The following CD99 variants were observed in gnomAD, a reference collection of about 807,000 sequenced individuals.
CD99 encodes the protein CD99 molecule (Xg blood group), also known as CD99 antigen.
A neutral mutation model predicts 28.4 loss-of-function variants in CD99; 19 were observed. The ratio of observed to expected loss-of-function variants is 0.67; its 90% CI spans 0.47 to 0.98. The LOEUF (loss-of-function observed/expected upper bound fraction) is 0.98. Among genes scored for constraint, CD99 ranks in the 50% least tolerant of loss-of-function variants. The probability of loss-of-function intolerance (pLI) is 0.00; values close to 1 mark genes in which losing one functional copy is unlikely to be tolerated. For missense variants in CD99, 283 were observed against 248.8 expected, an observed-to-expected ratio of 1.14 and a Z score of -0.92; for synonymous variants, 103 against 92.1, an observed-to-expected ratio of 1.12 and a Z score of -0.67.
chrX:2,696,788 CTCT>C (rs1013965268), intron 1 of CD99, among the ~76,000 whole-genome samples: 3 of 152,158 alleles, frequency 2.0e-5, no homozygotes, highest in African/African-American at 7.2e-5. Flanking sequence ...GAAGGACTTC[CTCT>C]TCTTGAATTT....
At chrX:2,723,639 C>T (rs1211128605) in intron 7 of CD99, among the ~76,000 whole-genome samples, 11 of 152,170 alleles carry the variant, frequency 7.2e-5, no homozygotes, top group African/African-American at 1.9e-4. Context: ...CATCACGCTT[C>T]GCCTTGTCCT....
chrX:2,700,425 A>G (rs1012034768), intron 1 of CD99, among the ~76,000 whole-genome samples: 1 of 148,934 alleles, frequency 6.7e-6, no homozygotes, highest in Non-Finnish European at 1.5e-5. Flanking sequence ...TCCATCCATC[A>G]ACCCATCCTC....
At chrX:2,736,898 A>T (rs1484895348) in intron 8 of CD99, among the ~76,000 whole-genome samples, 1 of 151,416 alleles carries the variant, frequency 6.6e-6, no homozygotes, top group Non-Finnish European at 1.5e-5. Flanking sequence ...TAAATAAATA[A>T]ATTTGGGAAT....
At chrX:2,716,308 A>C (rs1481168779) in intron 2 of CD99, among the ~76,000 whole-genome samples, 3 of 151,582 alleles carry the variant, frequency 2.0e-5, no homozygotes, top group African/African-American at 7.3e-5. Context: ...TGAGCCACTG[A>C]GCCCAGCCAC....
At chrX:2,721,988 A>G (rs1197770814) in intron 5 of CD99, among the ~76,000 whole-genome samples, 3 of 152,040 alleles carry the variant, frequency 2.0e-5, no homozygotes, top group Non-Finnish European at 2.9e-5. Flanking sequence ...ATTTTTACCA[A>G]TTTATTTTGA....
chrX:2,710,585 C>T (rs1181764696), intron 1 of CD99, among the ~76,000 whole-genome samples: 1 of 149,180 alleles, frequency 6.7e-6, no homozygotes, highest in Non-Finnish European at 1.5e-5. Flanking sequence ...ATTATTAAGT[C>T]TTCCTACCTT....
At chrX:2,717,472 C>A in intron 2 of CD99, 133 bp from the exon 3 acceptor site, 1 of 718,724 alleles carries the variant, frequency 1.4e-6, no homozygotes, top group Non-Finnish European at 2.5e-6. Context: ...TCGGTGTGGG[C>A]AGGTGAGAAA....
chrX:2,723,448 G>A, intron 7 of CD99, 84 bp downstream of exon 7: 1 of 1,492,498 alleles, frequency 6.7e-7, no homozygotes, highest in Non-Finnish European at 9.4e-7. Flanking sequence ...CTGGCGGACT[G>A]CACTGGCATT....
chrX:2,715,816 G>T (rs917757859), intron 2 of CD99, among the ~76,000 whole-genome samples: 11 of 152,008 alleles, frequency 7.2e-5, no homozygotes, highest in Admixed American at 6.6e-4. Flanking sequence ...TGTGAACGCT[G>T]GTCTCTTCCC....
At chrX:2,712,560 C>T in intron 1 of CD99, among the ~76,000 whole-genome samples, 1 of 152,210 alleles carries the variant, frequency 6.6e-6, no homozygotes, top group Non-Finnish European at 1.5e-5. Flanking sequence ...TCCCTTGCTA[C>T]CGTCTAAAGA....
At chrX:2,725,710 T>A (rs755274940) in intron 7 of CD99, among the ~76,000 whole-genome samples, 3 of 152,202 alleles carry the variant, frequency 2.0e-5, no homozygotes, top group African/African-American at 7.2e-5. Context: ...GCCTCCCAGG[T>A]TCAAGCGATT....
intron 8 of CD99, among the ~76,000 whole-genome samples, chrX:2,731,884 C>T (rs2049626095): frequency 6.6e-6 from 1 of 151,700 alleles, no homozygotes; most frequent in African/African-American, 2.4e-5. Context: ...ATGGCTCTGT[C>T]TGTTATAGGT....
chrX:2,714,849 CCTGT>C, intron 2 of CD99: 4 of 172,780 alleles, frequency 2.3e-5, no homozygotes. Context: ...AGGAGGTCCG[CCTGT>C]ATGTGTCCAC....
intron 1 of CD99, among the ~76,000 whole-genome samples, chrX:2,713,229 C>T (rs1224854696): frequency 6.6e-6 from 1 of 151,610 alleles, no homozygotes; most frequent in Admixed American, 6.6e-5. Context: ...TCCATAGGCA[C>T]ACAGAAACAC....
intron 3 of CD99, chrX:2,718,100 C>T (rs1419342952): frequency 6.0e-6 from 1 of 167,690 alleles, no homozygotes; most frequent in Non-Finnish European, 1.3e-5. Flanking sequence ...GCCACCACAC[C>T]TGGTTAATTG....
chrX:2,725,440 T>G (rs2049224719), intron 7 of CD99, among the ~76,000 whole-genome samples: 1 of 152,140 alleles, frequency 6.6e-6, no homozygotes, highest in Admixed American at 6.6e-5. Flanking sequence ...TAGAGATAGA[T>G]TTAAAATGTC....
intron 1 of CD99, chrX:2,691,745 C>A: frequency 1.4e-6 from 1 of 736,686 alleles, no homozygotes; most frequent in Admixed American, 1.9e-5. Flanking sequence ...GATCTCTCTC[C>A]CTTTGCATGA....
rs11431518 is a variant in CD99 at position 2,741,125 on chromosome X, C to CT, written c.*321_*322insT. 7.0e-5 allele frequency: 27 copies of CT among 384,282 alleles called. 1 individual carries two copies. The East Asian group carries it at 1.1e-3, about 15-fold the overall frequency. 23.8% of individuals were successfully genotyped at this position (384,282 alleles called of 1,614,324 possible). On this transcript the variant is annotated 3_prime_UTR_variant, in exon 10 of 10. Coordinates refer to ENST00000381192, the MANE Select transcript of CD99 (RefSeq NM_002414.5). ...TGTCAACCCCACCGAGGCACCCCCC[C>CT]GTCCCCCAGAATCTTGGCTGTTTAC...
chrX:2,736,294 G>A (rs1287854925), intron 8 of CD99, among the ~76,000 whole-genome samples: 1 of 152,052 alleles, frequency 6.6e-6, no homozygotes, highest in African/African-American at 2.4e-5. Flanking sequence ...CACAGATGGG[G>A]CCGTTTTACA....
Sources: gnomAD v4.1 joint callset for allele counts (sites outside exome capture counted in the v4.1 genomes callset) on GRCh38, gnomAD v4.1.1 for gene constraint, MANE v1.5 for transcripts, NCBI Gene and HGNC (gene_info 2026-07-23, HGNC 2026-07-21) for gene names.